TTC28: variants seen among roughly 807,000 people sequenced by gnomAD.
TTC28 encodes the protein tetratricopeptide repeat protein 28.
TTC28 carries 61 observed loss-of-function variants against 198.0 expected under a neutral mutation model. The ratio of observed to expected loss-of-function variants is 0.31; its 90% CI spans 0.25 to 0.38. TTC28 has a LOEUF of 0.38. Among genes scored for constraint, TTC28 ranks in the 10% least tolerant of loss-of-function variants. TTC28 has a pLI of 1.00. For synonymous variants in TTC28, 1,171 were observed against 1,297.8 expected, an observed-to-expected ratio of 0.90 and a Z score of 2.10; for missense variants, 2,678 against 3,164.0, an observed-to-expected ratio of 0.85 and a Z score of 3.69.
chr22:28,100,387 A>G (rs1050392729), intron 9 of TTC28, among the ~76,000 whole-genome samples: 6 of 152,260 alleles, frequency 3.9e-5, no homozygotes, highest in Non-Finnish European at 7.3e-5. Flanking sequence ...CTGAGCTATA[A>G]TAAGTACTTT....
At chr22:28,022,474 G>A (rs1041005253) in intron 13 of TTC28, among the ~76,000 whole-genome samples, 1 of 152,242 alleles carries the variant, frequency 6.6e-6, no homozygotes, top group African/African-American at 2.4e-5. Context: ...CTGCCCTGGG[G>A]GGAATCCTGC....
At chr22:28,590,532 T>G (rs1380960831) in intron 2 of TTC28, among the ~76,000 whole-genome samples, 1 of 151,942 alleles carries the variant, frequency 6.6e-6, no homozygotes, top group Non-Finnish European at 1.5e-5. Flanking sequence ...GCCGGAGGAC[T>G]GCTTGAGGCC....
At chr22:28,050,834 C>A (rs1940060289) in intron 12 of TTC28, among the ~76,000 whole-genome samples, 1 of 152,192 alleles carries the variant, frequency 6.6e-6, no homozygotes, top group South Asian at 2.1e-4. Flanking sequence ...ATGCCCCCCT[C>A]AGAGTTGTTA....
intron 2 of TTC28, among the ~76,000 whole-genome samples, chr22:28,413,384 G>A (rs1374448502): frequency 6.6e-6 from 1 of 152,002 alleles, no homozygotes; most frequent in African/African-American, 2.4e-5. Context: ...CTTGCAGTGA[G>A]CCTAGATTGC....
intron 2 of TTC28, among the ~76,000 whole-genome samples, chr22:28,357,321 T>TA (rs1265806613): frequency 2.0e-5 from 3 of 146,562 alleles, no homozygotes; most frequent in Non-Finnish European, 3.0e-5. Flanking sequence ...TCTTATTTTT[T>TA]TTTTTTTTTT....
In TTC28 at chr22:28,108,236, G is replaced by A; in HGVS notation, c.1609C>T (p.His537Tyr). The change falls in exon 7 of 23, where the codon CAT (histidine) becomes TAT (tyrosine). Residue 537 changes from histidine to tyrosine, a missense_variant. By Grantham distance (83) the His-to-Tyr change is moderately conservative. Around this residue, in one of 8 missense-constraint regions of TTC28, gnomAD observed 775 missense variants for 845.9 expected, o/e 0.92. Coordinates refer to ENST00000397906, the MANE Select transcript of TTC28 (RefSeq NM_001145418.2). Reference sequence around the variant, plus strand: ...ATGGAGATCTGCAGCTCCTGCCGATGGTATTTGACCGCCTGGTCGTACATG... The same window carrying A: ...ATGGAGATCTGCAGCTCCTGCCGATAGTATTTGACCGCCTGGTCGTACATG... Reference protein sequence around the residue: ...LGMYDQAVKYHRQELQISMEV... With the variant: ...LGMYDQAVKYYRQELQISMEV... 2 of 1,551,080 alleles carry A rather than the reference G, an allele frequency of 1.3e-6. No individual in the cohort carries two copies. The highest frequency in any genetic ancestry group is 1.7e-6 in the Non-Finnish European group (2 of 1,146,464).
At chr22:28,642,044 A>G (rs1483045143) in intron 1 of TTC28, among the ~76,000 whole-genome samples, 1 of 152,144 alleles carries the variant, frequency 6.6e-6, no homozygotes, top group Non-Finnish European at 1.5e-5. Context: ...TCTATACATG[A>G]CACACCATAT....
At chr22:28,493,281 G>A (rs1289080309) in intron 2 of TTC28, among the ~76,000 whole-genome samples, 4 of 151,972 alleles carry the variant, frequency 2.6e-5, no homozygotes, top group Admixed American at 6.6e-5. Flanking sequence ...GCTTGAACCC[G>A]GGAGACAGAG....
intron 2 of TTC28, among the ~76,000 whole-genome samples, chr22:28,545,119 T>C (rs1048042667): frequency 1.3e-5 from 2 of 152,186 alleles, no homozygotes; most frequent in Non-Finnish European, 2.9e-5. Flanking sequence ...GGGGACCCCT[T>C]TCCAGTAACA....
At position 27,990,023 on chromosome 22, in the gene TTC28, C is replaced by A. The variant is rs1233518293; in HGVS notation, c.5578-16G>T. On this transcript the variant is annotated splice_polypyrimidine_tract_variant and intron_variant, in intron 20 of 22. Coordinates refer to ENST00000397906, the MANE Select transcript of TTC28 (RefSeq NM_001145418.2). ...CCTGGTGGAGCTGAGGAAGGGGGGA[C>A]AGCGTGAGCACCCTGTGTCTCCTTC... is the stretch of plus-strand genomic sequence containing the variant. 3.9e-6 allele frequency: 6 copies of A among 1,548,024 alleles called. No homozygotes were observed. The East Asian group carries it at 1.5e-4, about 38-fold the overall frequency.
chr22:28,342,548 A>T (rs2045847944), intron 2 of TTC28, among the ~76,000 whole-genome samples: 1 of 151,848 alleles, frequency 6.6e-6, no homozygotes, highest in African/African-American at 2.4e-5. Flanking sequence ...AATTGCTTTA[A>T]AACAGTTATT....
At chr22:28,345,920 A>G (rs1226664806) in intron 2 of TTC28, among the ~76,000 whole-genome samples, 3 of 152,218 alleles carry the variant, frequency 2.0e-5, no homozygotes, top group African/African-American at 7.2e-5. Flanking sequence ...ATTGTTTTCT[A>G]TAAGTAACCT....
At chr22:28,513,837 TATC>T (rs1283935799) in intron 2 of TTC28, among the ~76,000 whole-genome samples, 2 of 152,080 alleles carry the variant, frequency 1.3e-5, no homozygotes, top group African/African-American at 4.8e-5. Context: ...TAAAATGAAA[TATC>T]AAAATGTTAA....
At chr22:28,464,128 C>A (rs965750003) in intron 2 of TTC28, among the ~76,000 whole-genome samples, 2 of 152,102 alleles carry the variant, frequency 1.3e-5, no homozygotes, top group African/African-American at 4.8e-5. Flanking sequence ...CCCTTTCCAT[C>A]ATCTTCCTTC....
chr22:28,118,452 A>G (rs757596219), intron 6 of TTC28, among the ~76,000 whole-genome samples: 2 of 152,190 alleles, frequency 1.3e-5, no homozygotes, highest in Non-Finnish European at 2.9e-5. Flanking sequence ...CACTCAGTCA[A>G]TGACAGACTG....
Position 28,369,844 on chromosome 22 carries a change from T to A in TTC28, c.382-63201A>T, listed in dbSNP as rs189148618. On this transcript the variant is annotated intron_variant, in intron 2 of 22. Transcript: ENST00000397906. ...AATGTGTAAAATATATATATAAGAG[T>A]AATAGGAATATACAGTAGACATGAG... Among the ~76,000 whole-genome samples, 3 of 152,136 alleles carry A rather than the reference T, an allele frequency of 2.0e-5. No homozygotes were observed. The East Asian group carries it at 5.8e-4, about 29-fold the overall frequency.
intron 12 of TTC28, among the ~76,000 whole-genome samples, chr22:28,060,669 C>A (rs1025193915): frequency 1.3e-5 from 2 of 152,218 alleles, no homozygotes; most frequent in Non-Finnish European, 2.9e-5. Context: ...GAGGAATCGC[C>A]ACACTGTCTT....
intron 1 of TTC28, among the ~76,000 whole-genome samples, chr22:28,678,318 G>A (rs1218579166): frequency 2.0e-5 from 3 of 152,148 alleles, no homozygotes; most frequent in Non-Finnish European, 4.4e-5. Context: ...GAGCTCAAGC[G>A]ATCCTCCCAC....
chr22:28,017,514 T>A (rs1178547504), intron 13 of TTC28, among the ~76,000 whole-genome samples: 1 of 152,164 alleles, frequency 6.6e-6, no homozygotes, highest in Non-Finnish European at 1.5e-5. Context: ...GCACCCTGCC[T>A]GGACAAAGTG....
Sources: allele counts gnomAD v4.1 joint callset (sites outside exome capture counted in the v4.1 genomes callset), GRCh38; gene constraint gnomAD v4.1.1; regional missense constraint gnomAD v4.1.1; transcripts MANE v1.5; gene names NCBI Gene and HGNC (gene_info 2026-07-23, HGNC 2026-07-21).